IQSEC1: variants seen among roughly 807,000 people sequenced by gnomAD.
IQSEC1 encodes IQ motif and SEC7 domain-containing protein 1.
A neutral mutation model predicts 91.0 loss-of-function variants in IQSEC1; 31 were observed. That is an observed-to-expected ratio of 0.34 (90% confidence interval 0.26 to 0.46). The LOEUF (loss-of-function observed/expected upper bound fraction) is 0.46, where lower values mean the gene tolerates loss of function less well. IQSEC1 is among the 20% of genes least tolerant of loss of function. IQSEC1 has a pLI of 1.00. For missense variants in IQSEC1, 1,388 were observed against 1,575.6 expected, an observed-to-expected ratio of 0.88 and a Z score of 2.02; for synonymous variants, 699 against 662.6, an observed-to-expected ratio of 1.05 and a Z score of -0.84.
At position 13,073,324 on chromosome 3, in the gene IQSEC1, G is replaced by T. The variant is rs1270099658; in HGVS notation, c.-310C>A. Among the ~76,000 whole-genome samples the T allele has an allele frequency of 6.6e-6, 1 of 152,226 alleles. No individual in the cohort carries two copies. Among genetic ancestry groups the T allele is most frequent in the South Asian group, 2.1e-4 (1 of 4,834 alleles). ...GGGGCGTCCACCTCGCTGCTACCTGGGCCCACCTTGGGGTTTTTCCCTCCC... is the reference window on the plus strand; with the variant it reads ...GGGGCGTCCACCTCGCTGCTACCTGTGCCCACCTTGGGGTTTTTCCCTCCC... On this transcript the variant is annotated 5_prime_UTR_variant, in exon 1 of 14. Transcript: ENST00000613206.
At position 12,901,216 on chromosome 3, in the gene IQSEC1, G is replaced by C. The variant is rs1694248817; in HGVS notation, c.3112C>G (p.Pro1038Ala). 3.9e-6 allele frequency: 6 copies of C among 1,547,824 alleles called. No individual in the cohort carries two copies. Among genetic ancestry groups the C allele is most frequent in the Middle Eastern group, 3.4e-4 (2 of 5,930 alleles). ...TGGTGGTGGTGATGGTGGTACGGGG[G>C]AGGGTTCTGCATGTGGCAGTACTGG... ...HTQYCHMQNP[P>A]PYHHHHHHHP... is the part of the protein sequence containing the mutation. The change falls in exon 14 of 14, where the codon CCC becomes GCC. Residue 1038 changes from proline to alanine, a missense_variant. Physicochemically the swap from Pro to Ala is conservative, Grantham distance 27 (BLOSUM62 -1). Coordinates refer to ENST00000613206, the MANE Select transcript of IQSEC1 (RefSeq NM_001134382.3).
chr3:12,903,878 C>G (rs1220438138), intron 12 of IQSEC1, among the ~76,000 whole-genome samples: 1 of 152,216 alleles, frequency 6.6e-6, no homozygotes, highest in Non-Finnish European at 1.5e-5. Flanking sequence ...GCCACTGTGT[C>G]CATATCAGAG....
At chr3:13,210,594 T>A (rs1694425530) in intron 1 of IQSEC1, among the ~76,000 whole-genome samples, 1 of 152,178 alleles carries the variant, frequency 6.6e-6, no homozygotes, top group African/African-American at 2.4e-5. Context: ...ATTATCCCAA[T>A]CTACGCAGAT....
In IQSEC1 at chr3:12,967,792, T is replaced by TGGGGGCGGGGCTGCGCGC. The variant is rs1462519420; in HGVS notation, c.24-25945_24-25928dup. On this transcript the variant is annotated intron_variant, in intron 1 of 13. Transcript: ENST00000613206. This position sits in a 1 kb window ranked among gnomAD's most constrained non-coding sequence, Gnocchi z 5.9. ...CTGGGGGCGGGGCCGGAGGGCGAGC[T>TGGGGGCGGGGCTGCGCGC]GGGGGCGGGGCTGCGCGCGGGGGCG... The TGGGGGCGGGGCTGCGCGC allele has an allele frequency of 4.9e-6, 3 of 618,486 alleles. No individual in the cohort carries two copies. The highest frequency in any genetic ancestry group is 2.7e-4 in the East Asian group (2 of 7,318). 38.3% of individuals were successfully genotyped at this position (618,486 alleles called of 1,614,324 possible). A position where few individuals can be genotyped will look rare whatever the true frequency, so the allele number is the denominator to read the frequency against.
intron 1 of IQSEC1, among the ~76,000 whole-genome samples, chr3:12,958,761 G>A (rs1700071440): frequency 6.6e-6 from 1 of 152,220 alleles, no homozygotes; most frequent in South Asian, 2.1e-4. Context: ...CAACTAAGCT[G>A]GGTTGGGGGC....
chr3:13,091,322 T>C (rs1217444183), intron 2 of IQSEC1, among the ~76,000 whole-genome samples: 1 of 152,222 alleles, frequency 6.6e-6, no homozygotes, highest in Non-Finnish European at 1.5e-5. Context: ...GGGGAGTCTG[T>C]TTTATTCACT....
intron 1 of IQSEC1, among the ~76,000 whole-genome samples, chr3:12,985,411 G>A (rs1701678705): frequency 6.6e-6 from 1 of 152,174 alleles, no homozygotes; most frequent in Non-Finnish European, 1.5e-5. Context: ...CAGATCTGCT[G>A]GAGCCTGGGG....
intron 1 of IQSEC1, among the ~76,000 whole-genome samples, chr3:13,041,669 G>A (rs910501590): frequency 2.6e-5 from 4 of 152,172 alleles, no homozygotes; most frequent in Non-Finnish European, 5.9e-5. Context: ...AGAACCTGCC[G>A]GAGGTATGAA....
At chr3:13,236,900 C>CT (rs1491014464) in intron 1 of IQSEC1, among the ~76,000 whole-genome samples, 1 of 139,646 alleles carries the variant, frequency 7.2e-6, no homozygotes, top group Non-Finnish European at 1.6e-5. Flanking sequence ...CAACAAAATG[C>CT]CCCCCTCCAG....
intron 1 of IQSEC1, among the ~76,000 whole-genome samples, chr3:13,194,772 G>C (rs1409128065): frequency 2.0e-5 from 3 of 152,096 alleles, no homozygotes; most frequent in African/African-American, 7.2e-5. Flanking sequence ...AGGGAATTAC[G>C]GCACCGAGGG....
At chr3:13,027,182 A>C (rs907823413) in intron 1 of IQSEC1, among the ~76,000 whole-genome samples, 1 of 152,166 alleles carries the variant, frequency 6.6e-6, no homozygotes, top group African/African-American at 2.4e-5. Flanking sequence ...TGGAAAAATG[A>C]AAGTCCAGGG....
At chr3:13,141,893 C>G (rs17037781) in intron 2 of IQSEC1, among the ~76,000 whole-genome samples, 2,918 of 152,348 alleles carry the variant, frequency 0.019, 106 homozygotes, top group African/African-American at 0.067. Flanking sequence ...GAGGCCCAAA[C>G]TTGACTGTCA....
upstream of IQSEC1, among the ~76,000 whole-genome samples, chr3:13,074,503 G>C (rs1171390860): frequency 6.6e-6 from 1 of 152,194 alleles, no homozygotes; most frequent in African/African-American, 2.4e-5. Flanking sequence ...ACCTATCTCA[G>C]AGGCATGTAG....
chr3:12,901,157 C>T lies in IQSEC1; in HGVS notation c.3171G>A (p.Gln1057=), dbSNP rs372683096. 68 of 1,543,692 alleles carry T rather than the reference C, an allele frequency of 4.4e-5. No homozygotes were observed. The East Asian group carries it at 9.5e-4, about 22-fold the overall frequency. Residue 1057 remains glutamine, a synonymous_variant, in exon 14 of 14, where the codon CAG becomes CAA. Transcript: ENST00000613206. ...GGCCCCCATGGGGGCCGTGGTGGTA[C>T]TGGTGTGCGTGCTGGATGTGCTGGG... ...HPPQHIQHAH[Q]YHHGPHGGHP...
At chr3:13,108,971 T>C (rs1182887046) in intron 2 of IQSEC1, among the ~76,000 whole-genome samples, 2 of 152,202 alleles carry the variant, frequency 1.3e-5, no homozygotes, top group East Asian at 3.9e-4. Context: ...CAGTGTGGCC[T>C]CTACAAGTTC....
intron 2 of IQSEC1, among the ~76,000 whole-genome samples, chr3:13,101,324 A>C (rs1436652317): frequency 1.3e-5 from 2 of 151,792 alleles, no homozygotes; most frequent in Admixed American, 1.3e-4. Context: ...TACTAAAAAT[A>C]CAAAAAATTA....
chr3:13,116,901 T>C (rs141514710), intron 2 of IQSEC1, among the ~76,000 whole-genome samples: 15 of 152,288 alleles, frequency 9.8e-5, no homozygotes, highest in African/African-American at 3.4e-4. Flanking sequence ...AACACAGTGG[T>C]AAATCCTCAT....
intron 1 of IQSEC1, among the ~76,000 whole-genome samples, chr3:12,981,032 C>A (rs998631551): frequency 6.6e-6 from 1 of 152,170 alleles, no homozygotes; most frequent in Admixed American, 6.5e-5. Context: ...CAACTGCAAC[C>A]CAAGTGTCCT....
At chr3:12,956,097 C>A (rs531682434) in intron 1 of IQSEC1, among the ~76,000 whole-genome samples, 1 of 152,294 alleles carries the variant, frequency 6.6e-6, no homozygotes, top group African/African-American at 2.4e-5. Flanking sequence ...AACAGTCAGA[C>A]AAAGCGAGGT....
Sources: gnomAD v4.1 joint callset for allele counts (sites outside exome capture counted in the v4.1 genomes callset) on GRCh38, gnomAD v4.1.1 for gene constraint, Gnocchi (gnomAD v3.1) non-coding constraint, MANE v1.5 for transcripts, NCBI Gene and HGNC (gene_info 2026-07-23, HGNC 2026-07-21) for gene names.